The following SLC12A1 variants were observed in gnomAD, a reference collection of about 807,000 sequenced individuals.
SLC12A1 encodes the protein Na-K-2Cl cotransporter.
Under a neutral mutation model 130.4 loss-of-function variants are expected in SLC12A1, and 89 were observed. That is an observed-to-expected ratio of 0.68 (90% CI 0.58 to 0.81). SLC12A1 has a LOEUF of 0.81. Ranked by LOEUF, SLC12A1 falls within the 40% of genes least tolerant of loss-of-function variation. The pLI is 0.00. For synonymous variants in SLC12A1, 499 were observed against 460.0 expected, an observed-to-expected ratio of 1.08 and a Z score of -1.09; for missense variants, 1,310 against 1,336.4, an observed-to-expected ratio of 0.98 and a Z score of 0.31.
Position 48,249,556 on chromosome 15 carries a change from A to C in SLC12A1, c.1685-19A>C, listed in dbSNP as rs373792665. 2.5e-6 allele frequency: 4 copies of C among 1,596,768 alleles called. No individual in the cohort carries two copies. In the African/African-American group the frequency reaches 4.0e-5, roughly 16 times the overall value. On this transcript the variant is annotated intron_variant, in intron 13 of 26. Transcript: ENST00000380993. ...TCTCATCACTCATACGTACATGTTC[A>C]ATTCTGTTACTTTTACAGCGGAACT...
At chr15:48,268,146 G>A (rs2041853950) in intron 18 of SLC12A1, among the ~76,000 whole-genome samples, 2 of 152,026 alleles carry the variant, frequency 1.3e-5, no homozygotes, top group Non-Finnish European at 2.9e-5. Context: ...ATGGTGATCT[G>A]GGCATAAAAT....
At position 48,247,925 on chromosome 15, in the gene SLC12A1, G is replaced by A. The variant is rs537291678; in HGVS notation, c.1684+465G>A. ...CTGAGTCAGACTCACTGAGGGTAAG[G>A]AGTCTACATTTCACAAGCTACTCAA... On this transcript the variant is annotated intron_variant, in intron 13 of 26. Coordinates refer to ENST00000380993, the MANE Select transcript of SLC12A1 (RefSeq NM_000338.3). Among the ~76,000 whole-genome samples, 16 of 152,296 alleles carry A rather than the reference G, an allele frequency of 1.1e-4. No homozygotes were observed. The East Asian group carries it at 1.9e-3, about 18-fold the overall frequency.
chr15:48,294,921 T>G (rs1179219138), intron 24 of SLC12A1, among the ~76,000 whole-genome samples: 1 of 151,754 alleles, frequency 6.6e-6, no homozygotes, highest in East Asian at 1.9e-4. Context: ...ATTTATTTAT[T>G]TATTTTTAAG....
chr15:48,249,320 C>T (rs542080641), intron 13 of SLC12A1, among the ~76,000 whole-genome samples: 14 of 36,204 alleles, frequency 3.9e-4, no homozygotes, highest in African/African-American at 1.5e-3. Flanking sequence ...CTACCCATTG[C>T]CACTTGAACT....
In SLC12A1 at chr15:48,225,996, C is replaced by T. The variant is rs16960680; in HGVS notation, c.629-480C>T. 9.5e-3 allele frequency: 4,905 copies of T among 514,190 alleles called. 239 individuals are homozygous for T. The African/African-American group carries it at 0.097, about 10-fold the overall frequency. 31.9% of individuals were successfully genotyped at this position (514,190 alleles called of 1,614,324 possible). ...CATCATTTGTAAGGTAAAGGCAACACAGGCTCTAACAGTTCACCACTGACC... is the reference window on the plus strand; with the variant it reads ...CATCATTTGTAAGGTAAAGGCAACATAGGCTCTAACAGTTCACCACTGACC... On this transcript the variant is annotated intron_variant, in intron 4 of 26. Coordinates refer to ENST00000380993, the MANE Select transcript of SLC12A1 (RefSeq NM_000338.3).
chr15:48,289,415 ATATATATATATATAAT>A (rs1349075586), intron 23 of SLC12A1, among the ~76,000 whole-genome samples: 8 of 133,938 alleles, frequency 6.0e-5, no homozygotes, highest in South Asian at 4.8e-4. Flanking sequence ...ATATATATAT[ATATATATATATATAAT>A]GTATAACTAT....
intron 2 of SLC12A1, among the ~76,000 whole-genome samples, chr15:48,209,995 CA>C (rs1450944035): frequency 2.6e-5 from 4 of 152,118 alleles, no homozygotes; most frequent in Admixed American, 2.6e-4. Flanking sequence ...CAATTTCAGA[CA>C]ACATGGTAGC....
At chr15:48,266,445 C>CT (rs67628277) in intron 17 of SLC12A1, among the ~76,000 whole-genome samples, 99,851 of 144,468 alleles carry the variant, frequency 0.69, 36,803 homozygotes, top group Non-Finnish European at 0.84. Flanking sequence ...AAAGCCTGGG[C>CT]TTTTTTTTTT....
intron 9 of SLC12A1, among the ~76,000 whole-genome samples, chr15:48,235,618 C>A (rs911948918): frequency 2.0e-5 from 3 of 151,780 alleles, no homozygotes; most frequent in African/African-American, 7.3e-5. Flanking sequence ...CCGGCCTGGG[C>A]AACACAGCAA....
intron 20 of SLC12A1, among the ~76,000 whole-genome samples, chr15:48,281,032 C>T (rs760770424): frequency 8.5e-5 from 13 of 152,122 alleles, no homozygotes; most frequent in East Asian, 5.8e-4. Flanking sequence ...AGGTAATAAA[C>T]GGGAGGGGTG....
At position 48,291,767 on chromosome 15, in the gene SLC12A1, T is replaced by C. The variant is rs2042123782; in HGVS notation, c.2874-11T>C. The C allele has an allele frequency of 6.6e-7, 1 of 1,516,636 alleles. No homozygotes were observed. Among genetic ancestry groups the C allele is most frequent in the Non-Finnish European group, 9.0e-7 (1 of 1,114,648 alleles). 93.9% of individuals were successfully genotyped at this position (1,516,636 alleles called of 1,614,324 possible). A position where few individuals can be genotyped will look rare whatever the true frequency, so the allele number is the denominator to read the frequency against. ...ATGCAATGATGAAGTATTTTCCTTTTATATTTTCAGAATGGCTTCCCTTCT... is the reference window on the plus strand; with the variant it reads ...ATGCAATGATGAAGTATTTTCCTTTCATATTTTCAGAATGGCTTCCCTTCT... On this transcript the variant is annotated splice_polypyrimidine_tract_variant and intron_variant, in intron 23 of 26. Transcript: ENST00000380993.
intron 25 of SLC12A1, among the ~76,000 whole-genome samples, chr15:48,300,113 C>T (rs2042216757): frequency 6.6e-6 from 1 of 152,096 alleles, no homozygotes; most frequent in Non-Finnish European, 1.5e-5. Context: ...GGGAGGACTG[C>T]TTGAGCCCAG....
chr15:48,300,578 G>A (rs971352757), intron 25 of SLC12A1, among the ~76,000 whole-genome samples: 1 of 152,080 alleles, frequency 6.6e-6, no homozygotes. Flanking sequence ...AACGCTAAAA[G>A]CCTTTTAGAT....
At chr15:48,215,318 C>G (rs2041107726) in intron 2 of SLC12A1, among the ~76,000 whole-genome samples, 2 of 152,150 alleles carry the variant, frequency 1.3e-5, no homozygotes, top group South Asian at 4.1e-4. Context: ...AATCTGTTAT[C>G]AAGTGGTCTT....
intron 15 of SLC12A1, among the ~76,000 whole-genome samples, chr15:48,252,222 T>A (rs555365185): frequency 6.6e-6 from 1 of 152,238 alleles, no homozygotes; most frequent in Non-Finnish European, 1.5e-5. Flanking sequence ...AGAATAAGAA[T>A]AAGAATAACA....
chr15:48,241,657 C>T (rs1033198211), intron 10 of SLC12A1, 58 bp downstream of exon 10: 18 of 1,211,836 alleles, frequency 1.5e-5, no homozygotes, highest in Middle Eastern at 1.9e-4. Flanking sequence ...CAGTTGTTCA[C>T]GTCTAGTGAG....
intron 7 of SLC12A1, 85 bp downstream of exon 7, chr15:48,230,588 A>G: frequency 2.4e-6 from 2 of 837,822 alleles, no homozygotes; most frequent in Non-Finnish European, 4.0e-6. Context: ...CCATATTCAA[A>G]AGGAATTGCT....
At chr15:48,285,454 CT>C (rs961296000) in intron 21 of SLC12A1, among the ~76,000 whole-genome samples, 34 of 152,164 alleles carry the variant, frequency 2.2e-4, no homozygotes, top group African/African-American at 8.0e-4. Context: ...TACCATCTTA[CT>C]GTCAAAAATT....
chr15:48,241,431 T>C (rs1426672791), intron 9 of SLC12A1, 84 bp from the exon 10 acceptor site: 2 of 1,156,122 alleles, frequency 1.7e-6, no homozygotes, highest in African/African-American at 3.0e-5. Flanking sequence ...AGCCTAAAAA[T>C]CTGAAAATAT....
Sources: gnomAD v4.1 joint callset for allele counts (sites outside exome capture counted in the v4.1 genomes callset) on GRCh38, gnomAD v4.1.1 for gene constraint, MANE v1.5 for transcripts, NCBI Gene and HGNC (gene_info 2026-07-23, HGNC 2026-07-21) for gene names.